SMYD3: variants seen among roughly 807,000 people sequenced by gnomAD.
SMYD3 encodes the protein histone-lysine N-methyltransferase SMYD3.
Under a neutral mutation model 57.7 loss-of-function variants are expected in SMYD3, and 36 were observed. The ratio of observed to expected loss-of-function variants is 0.62; its 90% CI spans 0.48 to 0.82. SMYD3 has a LOEUF of 0.82. Among genes scored for constraint, SMYD3 ranks in the 40% least tolerant of loss-of-function variants. The pLI is 0.00. For synonymous variants in SMYD3, 211 were observed against 195.0 expected (o/e 1.08, Z -0.68); for missense variants, 515 against 538.8 (o/e 0.96, Z 0.44).
At position 246,232,803 on chromosome 1, in the gene SMYD3, A is replaced by C. The variant is rs1395757260; in HGVS notation, c.531+94398T>G. Among the ~76,000 whole-genome samples, 14 of 137,468 alleles carry C rather than the reference A, an allele frequency of 1.0e-4. 1 individual carries two copies. Among genetic ancestry groups the C allele is most frequent in the Admixed American group, 3.1e-4 (4 of 12,950 alleles). 90.2% of individuals were successfully genotyped at this position (137,468 alleles called of 152,430 possible). ...GATGAATATATACCACACAGAGAAGAAGCGCTCCTTCAATTCACACTGTGA... is the reference window on the plus strand; with the variant it reads ...GATGAATATATACCACACAGAGAAGCAGCGCTCCTTCAATTCACACTGTGA... On this transcript the variant is annotated intron_variant, in intron 5 of 11. Coordinates refer to ENST00000490107, the MANE Select transcript of SMYD3 (RefSeq NM_001167740.2).
intron 10 of SMYD3, among the ~76,000 whole-genome samples, chr1:245,768,060 A>G (rs1242608810): frequency 1.3e-5 from 2 of 151,730 alleles, no homozygotes; most frequent in African/African-American, 2.4e-5. Context: ...AGTTGACTCC[A>G]TGATTCAGAA....
chr1:246,159,951 C>T (rs2062088483), intron 5 of SMYD3, among the ~76,000 whole-genome samples: 1 of 152,162 alleles, frequency 6.6e-6, no homozygotes, highest in Admixed American at 6.5e-5. Context: ...TACAGGAGTG[C>T]ACCACTTTAC....
At chr1:245,867,063 T>A (rs1485982235) in intron 8 of SMYD3, among the ~76,000 whole-genome samples, 3 of 152,212 alleles carry the variant, frequency 2.0e-5, no homozygotes, top group Non-Finnish European at 4.4e-5. Flanking sequence ...CAAAGGGGAA[T>A]TAAGTTGTAG....
chr1:245,836,056 C>T (rs1274918189), intron 10 of SMYD3, among the ~76,000 whole-genome samples: 1 of 152,168 alleles, frequency 6.6e-6, no homozygotes, highest in Non-Finnish European at 1.5e-5. Flanking sequence ...TCCTACCAAA[C>T]ATTAGCCACC....
chr1:246,156,614 G>C (rs2062026604), intron 5 of SMYD3, among the ~76,000 whole-genome samples: 1 of 152,174 alleles, frequency 6.6e-6, no homozygotes, highest in African/African-American at 2.4e-5. Flanking sequence ...AAACCAAATA[G>C]GACTCAGTCT....
intron 5 of SMYD3, among the ~76,000 whole-genome samples, chr1:246,243,006 A>G (rs2063640765): frequency 6.6e-6 from 1 of 152,166 alleles, no homozygotes; most frequent in Admixed American, 6.5e-5. Context: ...TAATAATGGG[A>G]GACATTAACG....
intron 5 of SMYD3, among the ~76,000 whole-genome samples, chr1:246,243,170 G>A (rs535011944): frequency 9.2e-5 from 14 of 152,056 alleles, no homozygotes; most frequent in South Asian, 4.2e-4. Flanking sequence ...GCACCACATC[G>A]CACTTATTCA....
chr1:246,069,179 T>C (rs1418823478), intron 5 of SMYD3, among the ~76,000 whole-genome samples: 3 of 152,202 alleles, frequency 2.0e-5, no homozygotes, highest in Non-Finnish European at 4.4e-5. Context: ...TTCTTAGTCA[T>C]GACCTTGTAG....
intron 5 of SMYD3, among the ~76,000 whole-genome samples, chr1:245,958,032 G>C (rs1192965000): frequency 2.0e-5 from 3 of 152,276 alleles, no homozygotes; most frequent in Non-Finnish European, 4.4e-5. Context: ...AAAAAAGCGG[G>C]GGGGAGAAAC....
chr1:245,751,620 A>T (rs7546112), intron 11 of SMYD3, among the ~76,000 whole-genome samples: 10 of 126,394 alleles, frequency 7.9e-5, no homozygotes, highest in African/African-American at 2.4e-4. Flanking sequence ...GAGAGAGAGA[A>T]AAAGAGAGAG....
At chr1:246,114,145 T>C (rs2061304067) in intron 5 of SMYD3, among the ~76,000 whole-genome samples, 1 of 152,134 alleles carries the variant, frequency 6.6e-6, no homozygotes, top group Admixed American at 6.6e-5. Context: ...GGGACAGTTT[T>C]AAGAATTTAT....
intron 5 of SMYD3, among the ~76,000 whole-genome samples, chr1:246,043,698 G>A (rs992045440): frequency 6.6e-6 from 1 of 152,204 alleles, no homozygotes; most frequent in Non-Finnish European, 1.5e-5. Context: ...CAGCATTTAT[G>A]ATGAACATGC....
chr1:245,954,057 C>T (rs541604368), intron 5 of SMYD3, among the ~76,000 whole-genome samples: 12 of 152,170 alleles, frequency 7.9e-5, no homozygotes, highest in Non-Finnish European at 1.6e-4. Context: ...ATGAAACTAA[C>T]ACGAAGTGTA....
At chr1:246,015,869 T>C (rs1378271888) in intron 5 of SMYD3, among the ~76,000 whole-genome samples, 1 of 151,696 alleles carries the variant, frequency 6.6e-6, no homozygotes, top group Non-Finnish European at 1.5e-5. Flanking sequence ...TGTGTACAAA[T>C]ATCTGTTCGA....
At chr1:246,322,075 T>G (rs958404518) in intron 5 of SMYD3, among the ~76,000 whole-genome samples, 1 of 152,030 alleles carries the variant, frequency 6.6e-6, no homozygotes, top group Admixed American at 6.6e-5. Flanking sequence ...CATTTCAAAA[T>G]CTAACAGGTG....
intron 10 of SMYD3, among the ~76,000 whole-genome samples, chr1:245,791,215 T>C (rs2047252970): frequency 1.3e-5 from 2 of 152,218 alleles, no homozygotes; most frequent in African/African-American, 2.4e-5. Flanking sequence ...ATACCTATAC[T>C]AAACTACTCT....
chr1:245,771,045 TAC>T (rs35330040), intron 10 of SMYD3, among the ~76,000 whole-genome samples: 5 of 151,080 alleles, frequency 3.3e-5, no homozygotes, highest in Admixed American at 6.6e-5. Flanking sequence ...GCTATATATA[TAC>T]ACACACACAC....
At chr1:245,775,556 C>T (rs960042618) in intron 10 of SMYD3, among the ~76,000 whole-genome samples, 1 of 150,542 alleles carries the variant, frequency 6.6e-6, no homozygotes, top group Non-Finnish European at 1.5e-5. Context: ...TCTCAAGTAC[C>T]CAGGGACACA....
At chr1:246,234,128 A>G (rs1482864579) in intron 5 of SMYD3, among the ~76,000 whole-genome samples, 2 of 113,400 alleles carry the variant, frequency 1.8e-5, no homozygotes, top group Non-Finnish European at 3.6e-5. Flanking sequence ...CACTCCTTCA[A>G]TCCACACTGT....
Sources: gnomAD v4.1 joint callset for allele counts (sites outside exome capture counted in the v4.1 genomes callset) on GRCh38, gnomAD v4.1.1 for gene constraint, MANE v1.5 for transcripts, NCBI Gene and HGNC (gene_info 2026-07-23, HGNC 2026-07-21) for gene names.